UVRAG: variants seen among roughly 807,000 people sequenced by gnomAD.
UVRAG encodes the protein UV radiation resistance associated, also known as UV radiation resistance-associated gene protein.
A neutral mutation model predicts 78.0 loss-of-function variants in UVRAG; 19 were observed. The ratio of observed to expected loss-of-function variants is 0.24; its 90% CI spans 0.17 to 0.36. The LOEUF is 0.36. UVRAG is among the 10% of genes least tolerant of loss of function. UVRAG has a pLI of 1.00. For synonymous variants in UVRAG, 323 were observed against 324.6 expected (o/e 1.00, Z 0.05); for missense variants, 740 against 853.8 (o/e 0.87, Z 1.66).
intron 3 of UVRAG, among the ~76,000 whole-genome samples, chr11:75,865,480 C>T (rs1479710853): frequency 6.6e-6 from 1 of 152,078 alleles, no homozygotes; most frequent in Non-Finnish European, 1.5e-5. Context: ...CACATGTGGC[C>T]ATTGAGCACT....
rs138244430 is a variant in UVRAG at position 76,047,716 on chromosome 11, T to A, written c.1227-17994T>A. ...TCATTTTCACAGTTTGAACGTAATT[T>A]TTAGAACCCTCAAGAGTAATATAGG... On this transcript the variant is annotated intron_variant, in intron 12 of 14. Transcript: ENST00000356136. Among the ~76,000 whole-genome samples, 450 of 152,310 alleles carry A rather than the reference T, an allele frequency of 3.0e-3. 6 individuals are homozygous for A. Among genetic ancestry groups the A allele is most frequent in the African/African-American group, 0.01 (428 of 41,570 alleles).
intron 7 of UVRAG, among the ~76,000 whole-genome samples, chr11:75,970,119 AGT>A (rs1269240354): frequency 1.1e-4 from 17 of 152,260 alleles, no homozygotes; most frequent in African/African-American, 3.6e-4. Context: ...ACACATTCAT[AGT>A]GCAGTAATTA....
At chr11:75,850,549 T>C (rs1291686944) in intron 1 of UVRAG, among the ~76,000 whole-genome samples, 1 of 152,198 alleles carries the variant, frequency 6.6e-6, no homozygotes, top group Non-Finnish European at 1.5e-5. Context: ...GGGATGTTTT[T>C]GTACATTATC....
At chr11:75,858,054 T>G (rs150584068) in intron 2 of UVRAG, among the ~76,000 whole-genome samples, 2,287 of 152,260 alleles carry the variant, frequency 0.015, 32 homozygotes, top group Non-Finnish European at 0.023. Flanking sequence ...TGCTTATTGC[T>G]CTGTCCCCAA....
At chr11:75,903,111 CTCTT>C (rs1947544904) in intron 5 of UVRAG, among the ~76,000 whole-genome samples, 1 of 152,024 alleles carries the variant, frequency 6.6e-6, no homozygotes, top group African/African-American at 2.4e-5. Flanking sequence ...CTCCTCCTCT[CTCTT>C]TTTCTGTTTC....
At chr11:76,127,061 G>A (rs1952413371) in intron 14 of UVRAG, among the ~76,000 whole-genome samples, 1 of 152,164 alleles carries the variant, frequency 6.6e-6, no homozygotes. Flanking sequence ...AGTGTGTATT[G>A]TATTCAGAGC....
chr11:76,139,753 G>C (rs1295571607), intron 14 of UVRAG, among the ~76,000 whole-genome samples: 1 of 151,974 alleles, frequency 6.6e-6, no homozygotes, highest in Non-Finnish European at 1.5e-5. Flanking sequence ...TATTATTTCA[G>C]ACTTTACCCT....
intron 6 of UVRAG, among the ~76,000 whole-genome samples, chr11:75,920,008 G>GTTTTTTGT (rs1947941022): frequency 5.4e-5 from 3 of 55,462 alleles, no homozygotes; most frequent in African/African-American, 1.7e-4. Flanking sequence ...AATAATTTTG[G>GTTTTTTGT]TTTTTTTTTT....
chr11:75,858,380 G>A (rs1300687704), intron 2 of UVRAG, among the ~76,000 whole-genome samples: 2 of 151,858 alleles, frequency 1.3e-5, no homozygotes, highest in East Asian at 1.9e-4. Context: ...TTATGTTTCT[G>A]TACCTTGCAT....
intron 4 of UVRAG, among the ~76,000 whole-genome samples, chr11:75,880,928 C>CTTTTTTTTT (rs773034018): frequency 4.6e-5 from 4 of 87,710 alleles, no homozygotes; most frequent in Non-Finnish European, 6.9e-5. Context: ...TTATTTACTT[C>CTTTTTTTTT]TTTTTTTTTT....
At chr11:76,106,738 G>A (rs1951978244) in intron 13 of UVRAG, among the ~76,000 whole-genome samples, 1 of 152,046 alleles carries the variant, frequency 6.6e-6, no homozygotes, top group Admixed American at 6.6e-5. Context: ...ATCCAGATTG[G>A]GCCAAAGGTC....
chr11:75,932,858 A>G (rs1948273981), intron 6 of UVRAG, among the ~76,000 whole-genome samples: 1 of 152,246 alleles, frequency 6.6e-6, no homozygotes, highest in African/African-American at 2.4e-5. Flanking sequence ...TGAAGCAGAC[A>G]CACAAAAATG....
At chr11:76,109,685 A>G (rs55817225) in intron 13 of UVRAG, among the ~76,000 whole-genome samples, 5,479 of 152,302 alleles carry the variant, frequency 0.036, 317 homozygotes, top group African/African-American at 0.12. Context: ...GAATGAATAG[A>G]ACGTGTGGAG....
At chr11:75,887,011 G>T (rs1217638258) in intron 4 of UVRAG, among the ~76,000 whole-genome samples, 1 of 151,784 alleles carries the variant, frequency 6.6e-6, no homozygotes, top group Admixed American at 6.6e-5. Flanking sequence ...TGTCGCCCAG[G>T]CTGGAGTGCA....
At chr11:75,920,245 T>G (rs1947951968) in intron 6 of UVRAG, among the ~76,000 whole-genome samples, 1 of 151,066 alleles carries the variant, frequency 6.6e-6, no homozygotes, top group Non-Finnish European at 1.5e-5. Flanking sequence ...CAGGATGATC[T>G]CAATTTCCTG....
chr11:76,082,656 C>T (rs1027263814), intron 13 of UVRAG, among the ~76,000 whole-genome samples: 8 of 151,826 alleles, frequency 5.3e-5, no homozygotes, highest in African/African-American at 7.3e-5. Flanking sequence ...GCAAGGACTT[C>T]GTATTTCAGC....
At chr11:75,857,047 C>T (rs1946306989) in intron 2 of UVRAG, among the ~76,000 whole-genome samples, 1 of 152,180 alleles carries the variant, frequency 6.6e-6, no homozygotes, top group Non-Finnish European at 1.5e-5. Flanking sequence ...AAAATATATC[C>T]ATAACCTAAT....
chr11:75,977,984 G>A (rs1949288033), intron 7 of UVRAG, among the ~76,000 whole-genome samples: 1 of 152,106 alleles, frequency 6.6e-6, no homozygotes, highest in Admixed American at 6.6e-5. Flanking sequence ...TTACAATTTG[G>A]CATGTTTTTG....
At chr11:75,848,846 C>A (rs978196937) in intron 1 of UVRAG, among the ~76,000 whole-genome samples, 3 of 152,180 alleles carry the variant, frequency 2.0e-5, no homozygotes, top group African/African-American at 7.2e-5. Context: ...TATCTCCTGT[C>A]ATTTATTATT....
Sources: gnomAD v4.1 joint callset for allele counts (sites outside exome capture counted in the v4.1 genomes callset) on GRCh38, gnomAD v4.1.1 for gene constraint, MANE v1.5 for transcripts, NCBI Gene and HGNC (gene_info 2026-07-23, HGNC 2026-07-21) for gene names.